CAMK2D: variants seen among roughly 807,000 people sequenced by gnomAD.
CAMK2D encodes the protein calcium/calmodulin-dependent protein kinase type II subunit delta.
In CAMK2D, 37 loss-of-function variants were observed where a neutral mutation model predicts 84.0. The ratio of observed to expected loss-of-function variants is 0.44; its 90% CI spans 0.34 to 0.58. The LOEUF is 0.58. Among genes scored for constraint, CAMK2D ranks in the 20% least tolerant of loss-of-function variants. CAMK2D has a pLI of 0.02. For missense variants in CAMK2D, 448 were observed against 652.5 expected, an observed-to-expected ratio of 0.69 and a Z score of 3.41; for synonymous variants, 202 against 212.5, an observed-to-expected ratio of 0.95 and a Z score of 0.43.
intron 4 of CAMK2D, among the ~76,000 whole-genome samples, chr4:113,570,007 G>GA (rs59168206): frequency 0.16 from 24,691 of 151,694 alleles, 2,163 homozygotes; most frequent in East Asian, 0.31. Flanking sequence ...CAGAGTATAT[G>GA]AAAAAAATCC....
At chr4:113,635,428 T>G (rs140370450) in intron 3 of CAMK2D, among the ~76,000 whole-genome samples, 3 of 152,210 alleles carry the variant, frequency 2.0e-5, no homozygotes, top group Non-Finnish European at 2.9e-5. Flanking sequence ...CCTTTATATA[T>G]AGAATTTCTA....
intron 4 of CAMK2D, among the ~76,000 whole-genome samples, chr4:113,601,489 C>T (rs1426735087): frequency 3.3e-5 from 5 of 151,434 alleles, no homozygotes; most frequent in Non-Finnish European, 4.4e-5. Flanking sequence ...ATTTTTCCCA[C>T]ATGAGACATA....
chr4:113,565,722 T>C (rs7673652), intron 4 of CAMK2D, among the ~76,000 whole-genome samples: 6,224 of 150,652 alleles, frequency 0.041, 164 homozygotes, highest in South Asian at 0.082. Context: ...TAAGATGCCA[T>C]AGATCATAAT....
intron 3 of CAMK2D, among the ~76,000 whole-genome samples, chr4:113,650,284 C>A (rs944424322): frequency 1.3e-5 from 2 of 151,854 alleles, no homozygotes; most frequent in Non-Finnish European, 2.9e-5. Context: ...CTTTGGGAGG[C>A]TGAGGTGGGT....
At chr4:113,546,742 C>T (rs2098577728) in intron 6 of CAMK2D, among the ~76,000 whole-genome samples, 1 of 152,182 alleles carries the variant, frequency 6.6e-6, no homozygotes, top group African/African-American at 2.4e-5. Flanking sequence ...ACAGTGCTCA[C>T]ATTTACTATT....
intron 7 of CAMK2D, among the ~76,000 whole-genome samples, chr4:113,533,913 A>T (rs968895427): frequency 3.3e-5 from 5 of 151,896 alleles, no homozygotes; most frequent in African/African-American, 1.2e-4. Flanking sequence ...TAAAAAAAAA[A>T]CAATAAACAG....
At chr4:113,525,138 AAAG>A (rs2098406526) in intron 8 of CAMK2D, among the ~76,000 whole-genome samples, 1 of 152,216 alleles carries the variant, frequency 6.6e-6, no homozygotes, top group Admixed American at 6.5e-5. Context: ...CCACACAAGA[AAAG>A]AAGAAACATA....
At chr4:113,594,380 G>T (rs2154253907) in intron 4 of CAMK2D, among the ~76,000 whole-genome samples, 1 of 152,176 alleles carries the variant, frequency 6.6e-6, no homozygotes, top group South Asian at 2.1e-4. Context: ...AAATAACAAG[G>T]CATACTAAAG....
At chr4:113,701,215 C>G (rs1003727516) in intron 2 of CAMK2D, among the ~76,000 whole-genome samples, 3 of 152,216 alleles carry the variant, frequency 2.0e-5, no homozygotes, top group Non-Finnish European at 4.4e-5. Context: ...TATAGCTTAT[C>G]ATTTCAAACG....
At chr4:113,729,668 G>T (rs2148750979) in intron 2 of CAMK2D, among the ~76,000 whole-genome samples, 1 of 152,224 alleles carries the variant, frequency 6.6e-6, no homozygotes, top group South Asian at 2.1e-4. Context: ...CTGAAAGTCT[G>T]TGTCCCCTCA....
At chr4:113,755,208 A>AC (rs70961849) in intron 2 of CAMK2D, 138 of 272,244 alleles carry the variant, frequency 5.1e-4, no homozygotes, top group African/African-American at 2.7e-3. Flanking sequence ...ACACACACAC[A>AC]AAACATTTAG....
intron 3 of CAMK2D, among the ~76,000 whole-genome samples, chr4:113,644,058 G>C (rs182499897): frequency 6.6e-6 from 1 of 152,092 alleles, no homozygotes; most frequent in African/African-American, 2.4e-5. Context: ...ATTATTGTCA[G>C]AAGAAGTTTG....
At chr4:113,637,143 A>C (rs2099113125) in intron 3 of CAMK2D, among the ~76,000 whole-genome samples, 1 of 152,106 alleles carries the variant, frequency 6.6e-6, no homozygotes, top group Non-Finnish European at 1.5e-5. Context: ...TTGTTTATTC[A>C]CAGCCCCTGT....
At chr4:113,685,362 C>T (rs187213725) in intron 2 of CAMK2D, among the ~76,000 whole-genome samples, 15 of 151,990 alleles carry the variant, frequency 9.9e-5, no homozygotes, top group African/African-American at 3.6e-4. Flanking sequence ...ACCTCAGCCT[C>T]CCAAGTAGCT....
chr4:113,662,815 C>A (rs990841517), intron 2 of CAMK2D, among the ~76,000 whole-genome samples: 3 of 152,058 alleles, frequency 2.0e-5, no homozygotes, highest in African/African-American at 7.2e-5. Context: ...TAGTTTTGAC[C>A]TTGAAGATCC....
At position 113,629,538 on chromosome 4, in the gene CAMK2D, T is replaced by C. The variant is rs117854152; in HGVS notation, c.221-20332A>G. Reference sequence around the variant, plus strand: ...ATAAGTTACAGAAAACAATACTTAATCTTACTACATGTAATATACTCTGAC... The same window carrying C: ...ATAAGTTACAGAAAACAATACTTAACCTTACTACATGTAATATACTCTGAC... On this transcript the variant is annotated intron_variant, in intron 3 of 20. Coordinates refer to ENST00000511664, the MANE Select transcript of CAMK2D (RefSeq NM_001321571.2). 5.3e-3 allele frequency among the ~76,000 whole-genome samples: 811 copies of C among 152,138 alleles called. 31 individuals are homozygous for C. The East Asian group carries it at 0.1, about 20-fold the overall frequency.
intron 3 of CAMK2D, among the ~76,000 whole-genome samples, chr4:113,655,566 T>C (rs1431109933): frequency 2.6e-5 from 4 of 152,132 alleles, no homozygotes; most frequent in Non-Finnish European, 5.9e-5. Flanking sequence ...AATATAAATG[T>C]TGCTTCAAAC....
chr4:113,624,724 T>G (rs1265468706), intron 3 of CAMK2D, among the ~76,000 whole-genome samples: 1 of 152,206 alleles, frequency 6.6e-6, no homozygotes. Flanking sequence ...AATGGATTGG[T>G]GTATCAGTGG....
intron 3 of CAMK2D, among the ~76,000 whole-genome samples, chr4:113,631,422 T>C (rs1014572370): frequency 6.6e-6 from 1 of 152,210 alleles, no homozygotes; most frequent in Non-Finnish European, 1.5e-5. Context: ...GGTACATTGA[T>C]AATTTTAAAC....
Sources: gnomAD v4.1 joint callset for allele counts (sites outside exome capture counted in the v4.1 genomes callset) on GRCh38, gnomAD v4.1.1 for gene constraint, MANE v1.5 for transcripts, NCBI Gene and HGNC (gene_info 2026-07-23, HGNC 2026-07-21) for gene names.